SLC9A8: variants seen among roughly 807,000 people sequenced by gnomAD.
The protein encoded by SLC9A8 is sodium/hydrogen exchanger 8.
In SLC9A8, 48 loss-of-function variants were observed where a neutral mutation model predicts 66.6. The observed-to-expected ratio is 0.72, with a 90% confidence interval of 0.57 to 0.92. The LOEUF (loss-of-function observed/expected upper bound fraction) is 0.92, where lower values mean the gene tolerates loss of function less well. Among genes scored for constraint, SLC9A8 ranks in the 40% least tolerant of loss-of-function variants. The pLI is 0.00. For missense variants in SLC9A8, 599 were observed against 747.3 expected, an observed-to-expected ratio of 0.80 and a Z score of 2.31; for synonymous variants, 274 against 282.6, an observed-to-expected ratio of 0.97 and a Z score of 0.31.
At chr20:49,831,398 A>G (rs2087182545) in intron 3 of SLC9A8, among the ~76,000 whole-genome samples, 1 of 145,050 alleles carries the variant, frequency 6.9e-6, no homozygotes, top group Non-Finnish European at 1.5e-5. Context: ...ACAAACACAC[A>G]CACACTCTCT....
At chr20:49,864,967 T>A in intron 10 of SLC9A8, 123 bp downstream of exon 10, 1 of 669,472 alleles carries the variant, frequency 1.5e-6, no homozygotes, top group Non-Finnish European at 2.7e-6. Context: ...AGAGCTTAAG[T>A]AATAAAGGAA....
intron 8 of SLC9A8, among the ~76,000 whole-genome samples, chr20:49,856,392 C>T (rs2088484399): frequency 6.6e-6 from 1 of 152,216 alleles, no homozygotes; most frequent in Non-Finnish European, 1.5e-5. Context: ...GGTAGGAATG[C>T]TGATAGGTGC....
At chr20:49,884,307 CACA>C (rs2089798984) in intron 14 of SLC9A8, among the ~76,000 whole-genome samples, 1 of 139,578 alleles carries the variant, frequency 7.2e-6, no homozygotes, top group Non-Finnish European at 1.5e-5. Flanking sequence ...CACACACACA[CACA>C]CACACACACA....
At chr20:49,848,680 G>A (rs556273120) in intron 5 of SLC9A8, among the ~76,000 whole-genome samples, 2 of 152,226 alleles carry the variant, frequency 1.3e-5, no homozygotes, top group South Asian at 2.1e-4. Context: ...TATCTTAAAC[G>A]CTGTGAAGTA....
chr20:49,883,592 A>T (rs2089712364), intron 13 of SLC9A8, among the ~76,000 whole-genome samples: 1 of 152,154 alleles, frequency 6.6e-6, no homozygotes, highest in Non-Finnish European at 1.5e-5. Flanking sequence ...CCGCACCCGC[A>T]TCTGGGGCTC....
At chr20:49,843,296 AT>A (rs1244750060) in intron 4 of SLC9A8, among the ~76,000 whole-genome samples, 3 of 151,806 alleles carry the variant, frequency 2.0e-5, no homozygotes, top group East Asian at 1.9e-4. Context: ...AGCTCGGCTC[AT>A]TTTTTTTCAC....
At chr20:49,881,278 G>T (rs1244869668) in intron 13 of SLC9A8, among the ~76,000 whole-genome samples, 1 of 152,200 alleles carries the variant, frequency 6.6e-6, no homozygotes, top group African/African-American at 2.4e-5. Flanking sequence ...AGGCAGAGCC[G>T]GGATTTCTGC....
intron 11 of SLC9A8, 21 bp downstream of exon 11, chr20:49,874,842 G>A (rs1600791751): frequency 1.3e-6 from 2 of 1,506,544 alleles, no homozygotes; most frequent in East Asian, 4.5e-5. Context: ...CTTCTGTGTG[G>A]CCGTGAGCAG....
rs1227403638 is a variant in SLC9A8 at position 49,889,338 on chromosome 20, C to G, written c.*1402C>G. ...AGTGGCCTGCATGGGCCAGCATGGA[C>G]CCTGGGCTGATCATGTGCATTCCTG... On this transcript the variant is annotated 3_prime_UTR_variant, in exon 16 of 16. Transcript: ENST00000361573. The G allele has an allele frequency of 1.3e-5, 2 of 152,264 alleles. No homozygotes were observed. Among genetic ancestry groups the G allele is most frequent in the Non-Finnish European group, 2.9e-5 (2 of 68,090 alleles). The allele number at this position is 152,264 out of a possible 1,614,324, so 9.4% of individuals were successfully genotyped here. A position where few individuals can be genotyped will look rare whatever the true frequency, so the allele number is the denominator to read the frequency against.
chr20:49,821,262 A>G (rs1255742250), intron 2 of SLC9A8, among the ~76,000 whole-genome samples: 2 of 152,232 alleles, frequency 1.3e-5, no homozygotes, highest in East Asian at 3.8e-4. Flanking sequence ...AAGGAAGAGC[A>G]GAAACTGGTT....
intron 13 of SLC9A8, among the ~76,000 whole-genome samples, chr20:49,883,092 G>A (rs1163187106): frequency 2.0e-5 from 3 of 147,100 alleles, no homozygotes; most frequent in Non-Finnish European, 4.4e-5. Context: ...GCTGCTCTAG[G>A]AGCTCCCCAA....
chr20:49,840,013 A>G (rs1249779453), intron 4 of SLC9A8, among the ~76,000 whole-genome samples: 1 of 152,208 alleles, frequency 6.6e-6, no homozygotes, highest in East Asian at 1.9e-4. Flanking sequence ...AGCTCATGTT[A>G]TTCTCATGAC....
chr20:49,874,879 T>A, intron 11 of SLC9A8, 58 bp downstream of exon 11: 1 of 1,199,282 alleles, frequency 8.3e-7, no homozygotes, highest in Non-Finnish European at 1.2e-6. Context: ...TCTTGCTTCC[T>A]TATCCTGTTT....
chr20:49,877,711 G>T (rs1334194512), intron 11 of SLC9A8, among the ~76,000 whole-genome samples: 1 of 152,142 alleles, frequency 6.6e-6, no homozygotes, highest in East Asian at 1.9e-4. Context: ...TCTTCCCTGG[G>T]TGGGATCGTG....
intron 13 of SLC9A8, among the ~76,000 whole-genome samples, chr20:49,881,272 A>C (rs1410946379): frequency 1.3e-5 from 2 of 152,210 alleles, no homozygotes; most frequent in Non-Finnish European, 2.9e-5. Context: ...CACTGGAGGC[A>C]GAGCCGGGAT....
intron 6 of SLC9A8, among the ~76,000 whole-genome samples, chr20:49,850,591 C>T (rs1358809693): frequency 6.6e-6 from 1 of 152,174 alleles, no homozygotes; most frequent in Non-Finnish European, 1.5e-5. Flanking sequence ...GTTAATTGGG[C>T]TTGAAGAATG....
In SLC9A8 at chr20:49,817,838, A is replaced by G. The variant is rs187539628; in HGVS notation, c.208+2649A>G. Among the ~76,000 whole-genome samples the G allele has an allele frequency of 1.1e-3, 167 of 152,308 alleles. 1 individual carries two copies. Among genetic ancestry groups the G allele is most frequent in the African/African-American group, 3.8e-3 (157 of 41,564 alleles). ...CTATTTCTAGGGGATTACTTCAACAATGAAGGACTCTCTTTTGTTTTATTT... is the reference window on the plus strand; with the variant it reads ...CTATTTCTAGGGGATTACTTCAACAGTGAAGGACTCTCTTTTGTTTTATTT... On this transcript the variant is annotated intron_variant, in intron 2 of 15. Transcript: ENST00000361573.
chr20:49,860,277 A>G (rs773129653), intron 8 of SLC9A8, among the ~76,000 whole-genome samples: 2 of 152,234 alleles, frequency 1.3e-5, no homozygotes, highest in Admixed American at 6.5e-5. Context: ...TGAGTCTGCA[A>G]AGCTTTCACG....
At chr20:49,834,179 CTCTCTCTATATATATATA>C (rs1415733883) in intron 3 of SLC9A8, among the ~76,000 whole-genome samples, 15 of 54,688 alleles carry the variant, frequency 2.7e-4, no homozygotes, top group East Asian at 7.2e-4. Flanking sequence ...CTCTCTCTCT[CTCTCTCTATATATATATA>C]TATATATATA....
Sources: gnomAD v4.1 joint callset for allele counts (sites outside exome capture counted in the v4.1 genomes callset) on GRCh38, gnomAD v4.1.1 for gene constraint, MANE v1.5 for transcripts, NCBI Gene and HGNC (gene_info 2026-07-23, HGNC 2026-07-21) for gene names.